Variants in B4GALT6 observed in about 807,000 individuals in gnomAD.
The protein encoded by B4GALT6 is beta-1,4-galactosyltransferase 6, also known as UDP-Gal:beta-GlcNAc beta-1,4-galactosyltransferase 6.
In B4GALT6, 14 loss-of-function variants were observed where a neutral mutation model predicts 46.3. That is an observed-to-expected ratio of 0.30 (90% confidence interval 0.20 to 0.47). The LOEUF is 0.47. B4GALT6 is among the 20% of genes least tolerant of loss of function. The pLI is 0.99. For synonymous variants in B4GALT6, 168 were observed against 162.0 expected, an observed-to-expected ratio of 1.04 and a Z score of -0.28; for missense variants, 386 against 480.1, an observed-to-expected ratio of 0.80 and a Z score of 1.83.
chr18:31,638,888 G>A, intron 4 of B4GALT6, 128 bp from the exon 5 acceptor site: 1 of 732,646 alleles, frequency 1.4e-6, no homozygotes, highest in Non-Finnish European at 2.3e-6. Flanking sequence ...TCTCATCAGA[G>A]ATACAACAGC....
chr18:31,705,118 A>G, the B4GALT6 span, among the ~76,000 whole-genome samples: 1 of 152,236 alleles, frequency 6.6e-6, no homozygotes, highest in Non-Finnish European at 1.5e-5. Flanking sequence ...TAGACTAGAG[A>G]TGACCTACTC....
At chr18:31,639,157 T>A (rs1402453039) in intron 4 of B4GALT6, among the ~76,000 whole-genome samples, 1 of 152,164 alleles carries the variant, frequency 6.6e-6, no homozygotes, top group Non-Finnish European at 1.5e-5. Flanking sequence ...CAGGTAATGG[T>A]AGCTTAAACT....
At chr18:31,718,056 AT>A in the B4GALT6 span, among the ~76,000 whole-genome samples, 1 of 152,232 alleles carries the variant, frequency 6.6e-6, no homozygotes. Context: ...GGTTACTAAC[AT>A]TTTATGATGA....
chr18:31,671,591 GT>G (rs1192543936), intron 1 of B4GALT6, among the ~76,000 whole-genome samples: 2 of 152,044 alleles, frequency 1.3e-5, no homozygotes, highest in Non-Finnish European at 2.9e-5. Context: ...TTTTGATGGG[GT>G]TTTTTTCTTG....
intron 4 of B4GALT6, among the ~76,000 whole-genome samples, chr18:31,642,761 T>C (rs2073945649): frequency 6.6e-6 from 1 of 152,236 alleles, no homozygotes; most frequent in South Asian, 2.1e-4. Context: ...CTTGGCTCAC[T>C]GCAACCTCTG....
intron 3 of B4GALT6, among the ~76,000 whole-genome samples, chr18:31,657,297 T>C (rs1452036906): frequency 1.3e-5 from 2 of 152,106 alleles, no homozygotes; most frequent in South Asian, 2.1e-4. Flanking sequence ...GTAAATGAGA[T>C]GTGATACATT....
the B4GALT6 span, among the ~76,000 whole-genome samples, chr18:31,720,549 A>C: frequency 2.0e-5 from 3 of 152,228 alleles, no homozygotes; most frequent in Non-Finnish European, 4.4e-5. Context: ...TCCCAAAAGG[A>C]CTGACGCCCA....
chr18:31,658,459 G>A (rs2848683), intron 2 of B4GALT6: 36,913 of 169,660 alleles, frequency 0.22, 5,983 homozygotes, highest in African/African-American at 0.47. Context: ...GTTCCAAACC[G>A]CTGCGTGCTG....
intron 5 of B4GALT6, among the ~76,000 whole-genome samples, chr18:31,637,974 C>T (rs770735096): frequency 1.6e-4 from 24 of 152,006 alleles, no homozygotes; most frequent in Non-Finnish European, 3.1e-4. Flanking sequence ...CAAAAATAAA[C>T]ATCATAAGCC....
chr18:31,651,985 T>C (rs1193774992), intron 3 of B4GALT6, among the ~76,000 whole-genome samples: 2 of 152,140 alleles, frequency 1.3e-5, no homozygotes, highest in Non-Finnish European at 2.9e-5. Context: ...TTAGCCAGGA[T>C]GGTCTCGATC....
At chr18:31,724,148 C>T in the B4GALT6 span, 1 of 247,234 alleles carries the variant, frequency 4.0e-6, no homozygotes, top group East Asian at 1.2e-4. Context: ...ATAAAGGCTG[C>T]GTAAATAAAG....
chr18:31,636,109 C>T (rs1192931197), intron 5 of B4GALT6, among the ~76,000 whole-genome samples: 1 of 152,200 alleles, frequency 6.6e-6, no homozygotes, highest in Non-Finnish European at 1.5e-5. Flanking sequence ...GATGAAACAA[C>T]TAAACGAAAC....
chr18:31,665,301 C>T (rs565583700), intron 2 of B4GALT6, among the ~76,000 whole-genome samples: 132 of 152,276 alleles, frequency 8.7e-4, no homozygotes, highest in South Asian at 1.7e-3. Context: ...TGTGGCAACC[C>T]TGCCATAAAC....
chr18:31,653,632 G>A (rs2074103605), intron 3 of B4GALT6, among the ~76,000 whole-genome samples: 1 of 151,772 alleles, frequency 6.6e-6, no homozygotes, highest in South Asian at 2.1e-4. Context: ...GTTTTTGGTA[G>A]AGACAGGTTT....
At chr18:31,693,497 ATAT>A in the B4GALT6 span, among the ~76,000 whole-genome samples, 8 of 152,362 alleles carry the variant, frequency 5.3e-5, no homozygotes, top group East Asian at 3.9e-4. Flanking sequence ...AATTAATAAA[ATAT>A]TATAGCTTAC....
chr18:31,700,767 T>C, the B4GALT6 span, among the ~76,000 whole-genome samples: 1 of 152,006 alleles, frequency 6.6e-6, no homozygotes. Flanking sequence ...AAATTGACCA[T>C]ATTTTAGTTA....
chr18:31,658,332 GT>G, intron 2 of B4GALT6: 1 of 312,278 alleles, frequency 3.2e-6, no homozygotes, highest in Non-Finnish European at 6.0e-6. Context: ...AGACATGGCA[GT>G]CCCACTTGCA....
intron 4 of B4GALT6, among the ~76,000 whole-genome samples, chr18:31,642,764 A>C (rs754587815): frequency 1.6e-4 from 24 of 152,324 alleles, no homozygotes; most frequent in Non-Finnish European, 2.9e-4. Context: ...GGCTCACTGC[A>C]ACCTCTGCCT....
chr18:31,684,178 A>AT (rs1323354895), intron 1 of B4GALT6, 134 bp downstream of exon 1: 5 of 1,418,420 alleles, frequency 3.5e-6, no homozygotes, highest in Non-Finnish European at 4.7e-6. Flanking sequence ...CACGTCTGAA[A>AT]TAACATTTAA....
Sources: gnomAD v4.1 joint callset for allele counts (sites outside exome capture counted in the v4.1 genomes callset) on GRCh38, gnomAD v4.1.1 for gene constraint, MANE v1.5 for transcripts, NCBI Gene and HGNC (gene_info 2026-07-23, HGNC 2026-07-21) for gene names.